TMEM135: variants seen among roughly 807,000 people sequenced by gnomAD.
TMEM135 encodes transmembrane protein 135, also known as peroxisomal membrane protein 52.
A neutral mutation model predicts 60.3 loss-of-function variants in TMEM135; 30 were observed. That is an observed-to-expected ratio of 0.50 (90% CI 0.37 to 0.68). The LOEUF (loss-of-function observed/expected upper bound fraction) is 0.68, where lower values mean the gene tolerates loss of function less well. Ranked by LOEUF, TMEM135 falls within the 30% of genes least tolerant of loss-of-function variation. The pLI is 0.00. For synonymous variants in TMEM135, 190 were observed against 186.7 expected, an observed-to-expected ratio of 1.02 and a Z score of -0.14; for missense variants, 468 against 548.8, an observed-to-expected ratio of 0.85 and a Z score of 1.47.
chr11:87,038,330 T>TGGGG, intron 1 of TMEM135, 144 bp downstream of exon 1: 2 of 256,416 alleles, frequency 7.8e-6, no homozygotes, highest in Admixed American at 5.6e-5. Flanking sequence ...GGGGGGTCGG[T>TGGGG]AGGGGGAAGG....
At chr11:87,305,827 C>CTCTT (rs1554987167) in intron 8 of TMEM135, 109 bp from the exon 9 acceptor site, 3 of 421,024 alleles carry the variant, frequency 7.1e-6, no homozygotes, top group Admixed American at 4.0e-5. Context: ...TCTTCTCTCT[C>CTCTT]TTTTTTTTTT....
At chr11:87,190,731 G>A (rs1237866009) in intron 5 of TMEM135, among the ~76,000 whole-genome samples, 2 of 152,164 alleles carry the variant, frequency 1.3e-5, no homozygotes, top group African/African-American at 4.8e-5. Context: ...GATATTTGAT[G>A]TCTTCCTGAC....
At chr11:87,106,753 T>C (rs146733927) in intron 4 of TMEM135, among the ~76,000 whole-genome samples, 1 of 152,342 alleles carries the variant, frequency 6.6e-6, no homozygotes, top group East Asian at 1.9e-4. Context: ...AAGGCCATTA[T>C]TGCATTGCTA....
intron 3 of TMEM135, among the ~76,000 whole-genome samples, chr11:87,083,244 G>A (rs183417769): frequency 1.1e-4 from 16 of 152,276 alleles, no homozygotes; most frequent in Admixed American, 4.6e-4. Flanking sequence ...TGCCACAAAG[G>A]ACTCTGATCA....
chr11:87,321,731 G>C lies in TMEM135; in HGVS notation c.*398G>C, dbSNP rs904637343. 2.0e-5 allele frequency: 9 copies of C among 456,532 alleles called. No individual in the cohort carries two copies. The highest frequency in any genetic ancestry group is 1.4e-4 in the African/African-American group (7 of 50,086). The allele number at this position is 456,532 out of a possible 1,614,324, so 28.3% of individuals were successfully genotyped here. A position where few individuals can be genotyped will look rare whatever the true frequency, so the allele number is the denominator to read the frequency against. On this transcript the variant is annotated 3_prime_UTR_variant, in exon 15 of 15. Coordinates refer to ENST00000305494, the MANE Select transcript of TMEM135 (RefSeq NM_022918.4). ...AATTAGGATTATTTCTACATTTTAGGATTTACAAAGGATCACGGGTACATG... is the reference window on the plus strand; with the variant it reads ...AATTAGGATTATTTCTACATTTTAGCATTTACAAAGGATCACGGGTACATG...
rs777298330 is a variant in TMEM135 at position 87,327,891 on chromosome 11, CCT to C, written c.*6559_*6560del. 9.0e-5 allele frequency: 41 copies of C among 453,968 alleles called. No homozygotes were observed. Among genetic ancestry groups the C allele is most frequent in the South Asian group, 6.4e-4 (41 of 64,464 alleles). The allele number at this position is 453,968 out of a possible 1,614,324, so 28.1% of individuals were successfully genotyped here. On this transcript the variant is annotated 3_prime_UTR_variant, in exon 15 of 15. Transcript: ENST00000305494. ...CAGGGGAGAGAGAGAAGCCAATTCTCCTTTCTTCTGTTTTTATTCTACCCAGG... is the reference window on the plus strand; with the variant it reads ...CAGGGGAGAGAGAGAAGCCAATTCTCTTCTTCTGTTTTTATTCTACCCAGG...
At chr11:87,298,333 A>T (rs1000507365) in intron 7 of TMEM135, among the ~76,000 whole-genome samples, 1 of 152,206 alleles carries the variant, frequency 6.6e-6, no homozygotes, top group African/African-American at 2.4e-5. Flanking sequence ...AAATGGCTTA[A>T]GGAAGTGCTT....
chr11:87,273,067 A>G (rs1430995908), intron 6 of TMEM135, among the ~76,000 whole-genome samples: 2 of 152,124 alleles, frequency 1.3e-5, no homozygotes, highest in East Asian at 1.9e-4. Flanking sequence ...AAAACCTCTT[A>G]TATTTATTAT....
At chr11:87,202,206 A>C (rs957691632) in intron 5 of TMEM135, among the ~76,000 whole-genome samples, 17 of 152,078 alleles carry the variant, frequency 1.1e-4, no homozygotes, top group Non-Finnish European at 2.1e-4. Flanking sequence ...TTGTATTTTT[A>C]GTAGAGATGA....
intron 4 of TMEM135, among the ~76,000 whole-genome samples, chr11:87,118,934 A>G (rs1038643725): frequency 6.6e-5 from 10 of 152,182 alleles, no homozygotes; most frequent in African/African-American, 2.2e-4. Flanking sequence ...GGTGAAGGGA[A>G]TGTTGTGGTT....
intron 6 of TMEM135, chr11:87,277,368 T>C (rs1366907795): frequency 6.3e-6 from 2 of 318,516 alleles, no homozygotes; most frequent in Non-Finnish European, 1.3e-5. Context: ...TGGCCTTAAG[T>C]GATCCACCTG....
intron 2 of TMEM135, among the ~76,000 whole-genome samples, chr11:87,068,808 CAAA>C (rs3045939): frequency 4.1e-4 from 52 of 127,908 alleles, no homozygotes; most frequent in East Asian, 2.2e-3. Context: ...CAGACTGTCT[CAAA>C]AAAAAAAAAA....
intron 4 of TMEM135, among the ~76,000 whole-genome samples, chr11:87,131,244 A>C (rs1261836557): frequency 6.6e-6 from 1 of 152,136 alleles, no homozygotes; most frequent in Non-Finnish European, 1.5e-5. Flanking sequence ...CATTAGGGAT[A>C]ATTCTTTGTG....
intron 11 of TMEM135, among the ~76,000 whole-genome samples, chr11:87,314,241 A>C (rs760115687): frequency 2.0e-5 from 3 of 151,880 alleles, no homozygotes; most frequent in Admixed American, 2.0e-4. Flanking sequence ...GCTTCTTGTT[A>C]TACATAAATC....
intron 1 of TMEM135, among the ~76,000 whole-genome samples, chr11:87,065,718 T>A (rs1258917392): frequency 6.6e-6 from 1 of 152,240 alleles, no homozygotes; most frequent in East Asian, 1.9e-4. Context: ...GCTTTTGATG[T>A]CAAGTCTAAG....
rs1017200935 is a variant in TMEM135, at chr11:87,322,476, A to G, written c.*1143A>G. 1 of 454,014 alleles carries G rather than the reference A, an allele frequency of 2.2e-6. No individual in the cohort carries two copies. Among genetic ancestry groups the G allele is most frequent in the Non-Finnish European group, 4.4e-6 (1 of 226,740 alleles). 28.1% of individuals were successfully genotyped at this position (454,014 alleles called of 1,614,324 possible). On this transcript the variant is annotated 3_prime_UTR_variant, in exon 15 of 15. Coordinates refer to ENST00000305494, the MANE Select transcript of TMEM135 (RefSeq NM_022918.4). ...CTGCTGATAATGAGAGTAGTTCAGG[A>G]CAGCTGTGATTGAAATATGGTCGCT...
chr11:87,116,699 G>A (rs1271057956), intron 4 of TMEM135, among the ~76,000 whole-genome samples: 6 of 151,696 alleles, frequency 4.0e-5, no homozygotes, highest in Non-Finnish European at 7.4e-5. Context: ...CATGGGTTTG[G>A]ATCTAGACCA....
At chr11:87,212,840 A>G (rs1940406416) in intron 5 of TMEM135, among the ~76,000 whole-genome samples, 1 of 148,882 alleles carries the variant, frequency 6.7e-6, no homozygotes, top group East Asian at 1.9e-4. Flanking sequence ...AAAAAAAAAA[A>G]AAGAATACAA....
chr11:87,104,247 TGG>T (rs747618131), intron 4 of TMEM135, among the ~76,000 whole-genome samples: 1 of 152,146 alleles, frequency 6.6e-6, no homozygotes, highest in South Asian at 2.1e-4. Flanking sequence ...ACCATAACTG[TGG>T]GTTTATTTAT....
Sources: gnomAD v4.1 joint callset for allele counts (sites outside exome capture counted in the v4.1 genomes callset) on GRCh38, gnomAD v4.1.1 for gene constraint, MANE v1.5 for transcripts, NCBI Gene and HGNC (gene_info 2026-07-23, HGNC 2026-07-21) for gene names.